The following PDE4D variants were observed in gnomAD, a reference collection of about 807,000 sequenced individuals.
The protein encoded by PDE4D is 3',5'-cyclic-AMP phosphodiesterase 4D.
In PDE4D, 24 loss-of-function variants were observed where a neutral mutation model predicts 87.4. That is an observed-to-expected ratio of 0.27 (90% confidence interval 0.20 to 0.39). PDE4D has a LOEUF of 0.39. PDE4D is among the 10% of genes least tolerant of loss of function. The pLI is 1.00. For missense variants in PDE4D, 714 were observed against 1,041.0 expected, an observed-to-expected ratio of 0.69 and a Z score of 4.32; for synonymous variants, 384 against 383.2, an observed-to-expected ratio of 1.00 and a Z score of -0.02.
chr5:59,490,238 T>A (rs994485989), intron 1 of PDE4D, among the ~76,000 whole-genome samples: 6 of 152,144 alleles, frequency 3.9e-5, no homozygotes, highest in African/African-American at 1.4e-4. Flanking sequence ...AAGTAGGTGG[T>A]TGAACTTAAA....
rs954438996 is a variant in PDE4D at position 58,970,935 on chromosome 5, A to T, written c.*3729T>A. On this transcript the variant is annotated 3_prime_UTR_variant, in exon 15 of 15. Transcript: ENST00000340635. ...AAAAAAAAAAAAAAGGAAATAATCA[A>T]ATGCAAGTAGCTGAAGTAGTTCCTG... 1 of 151,920 alleles carries T rather than the reference A, an allele frequency of 6.6e-6. No individual in the cohort carries two copies. The highest frequency in any genetic ancestry group is 2.4e-5 in the African/African-American group (1 of 41,376). The allele number at this position is 151,920 out of a possible 1,614,324, so 9.4% of individuals were successfully genotyped here.
intron 2 of PDE4D, among the ~76,000 whole-genome samples, chr5:60,128,494 T>C (rs1266638850): frequency 6.6e-6 from 1 of 152,174 alleles, no homozygotes; most frequent in Non-Finnish European, 1.5e-5. Flanking sequence ...GGGTTCCCTA[T>C]TCACATACTG....
chr5:60,051,424 C>T (rs911623990), intron 2 of PDE4D, among the ~76,000 whole-genome samples: 3 of 152,270 alleles, frequency 2.0e-5, no homozygotes, highest in African/African-American at 7.2e-5. Context: ...GAATAACCTG[C>T]TCCTGAATGA....
intron 1 of PDE4D, among the ~76,000 whole-genome samples, chr5:59,622,169 TTATA>T (rs143422555): frequency 6.6e-6 from 1 of 151,350 alleles, no homozygotes; most frequent in Non-Finnish European, 1.5e-5. Context: ...ACTATTTTCT[TTATA>T]TATATATATG....
At chr5:60,371,198 C>T (rs1269494937) in intron 1 of PDE4D, among the ~76,000 whole-genome samples, 3 of 152,224 alleles carry the variant, frequency 2.0e-5, no homozygotes, top group African/African-American at 7.2e-5. Flanking sequence ...TCCCAGGTTG[C>T]ACTACGCGAA....
rs114505973 is a variant in PDE4D, at chr5:60,406,853, T to C, written c.-90+81089A>G. Among the ~76,000 whole-genome samples, 136 of 152,246 alleles carry C rather than the reference T, an allele frequency of 8.9e-4. 1 individual carries two copies. Among genetic ancestry groups the C allele is most frequent in the African/African-American group, 3.3e-3 (135 of 41,536 alleles). On this transcript the variant is annotated intron_variant, in intron 1 of 16. Transcript: ENST00000502484. ...ACACATTCCTTCTATTTCTTGTAAA[T>C]TATGTTGAAAAAAAAATGGCAGTAA...
At chr5:59,298,733 T>C (rs887406350) in intron 1 of PDE4D, among the ~76,000 whole-genome samples, 8 of 152,190 alleles carry the variant, frequency 5.3e-5, no homozygotes, top group African/African-American at 1.7e-4. Context: ...AGGTTTATGA[T>C]ATGCTAAAGT....
At chr5:59,873,391 T>C (rs1748109645) in intron 1 of PDE4D, among the ~76,000 whole-genome samples, 1 of 152,168 alleles carries the variant, frequency 6.6e-6, no homozygotes, top group Non-Finnish European at 1.5e-5. Context: ...CGTAGAAAAG[T>C]GTCAGAGCTG....
chr5:59,618,107 C>G (rs934466307), intron 1 of PDE4D, among the ~76,000 whole-genome samples: 1 of 151,882 alleles, frequency 6.6e-6, no homozygotes, highest in Non-Finnish European at 1.5e-5. Context: ...TTCTTCGATG[C>G]CTAAAAGTTT....
intron 1 of PDE4D, among the ~76,000 whole-genome samples, chr5:59,656,051 T>C (rs1196047576): frequency 6.6e-6 from 1 of 152,186 alleles, no homozygotes; most frequent in Non-Finnish European, 1.5e-5. Context: ...AATTCATGCA[T>C]ATGCAGACAC....
intron 1 of PDE4D, among the ~76,000 whole-genome samples, chr5:59,358,649 G>T (rs1187353070): frequency 6.6e-6 from 1 of 152,058 alleles, no homozygotes. Context: ...TGAGACTAAA[G>T]CCAGACAGTG....
chr5:59,816,932 G>A (rs1769041040), intron 1 of PDE4D, among the ~76,000 whole-genome samples: 1 of 152,222 alleles, frequency 6.6e-6, no homozygotes, highest in African/African-American at 2.4e-5. Flanking sequence ...AGCATGGCAA[G>A]TGAGATGCAG....
intron 1 of PDE4D, among the ~76,000 whole-genome samples, chr5:59,237,477 G>A (rs1392034248): frequency 6.6e-6 from 1 of 152,114 alleles, no homozygotes; most frequent in African/African-American, 2.4e-5. Flanking sequence ...GAGGTTTACT[G>A]GTTTGCTGGT....
intron 1 of PDE4D, among the ~76,000 whole-genome samples, chr5:59,689,461 G>C (rs576863418): frequency 6.6e-6 from 1 of 152,122 alleles, no homozygotes; most frequent in Admixed American, 6.5e-5. Flanking sequence ...CAGAACCAAA[G>C]ACAAAAGCCA....
intron 5 of PDE4D, among the ~76,000 whole-genome samples, chr5:59,174,978 C>G (rs1281857351): frequency 6.6e-6 from 1 of 152,152 alleles, no homozygotes; most frequent in East Asian, 1.9e-4. Context: ...AATTCAGAAG[C>G]ATTGAAAATG....
Position 59,655,145 on chromosome 5 carries a change from TA to T in PDE4D, c.455+238022del, listed in dbSNP as rs71604795. On this transcript the variant is annotated intron_variant, in intron 1 of 14. Coordinates refer to ENST00000340635, the MANE Select transcript of PDE4D (RefSeq NM_001104631.2). ...TTTTTTTTCAACCATTGCCATATAT[TA>T]AAAAAAAAATTCTCTGAAAAAAAAA... Among the ~76,000 whole-genome samples the T allele has an allele frequency of 4.0e-3, 600 of 150,222 alleles. 6 individuals carry two copies. The highest frequency in any genetic ancestry group is 0.011 in the African/African-American group (449 of 41,024).
chr5:59,654,439 T>C (rs1214538354), intron 1 of PDE4D, among the ~76,000 whole-genome samples: 1 of 152,234 alleles, frequency 6.6e-6, no homozygotes, highest in Non-Finnish European at 1.5e-5. Flanking sequence ...TGAGGTACTT[T>C]GTTAGCACAA....
Position 60,111,650 on chromosome 5 carries a change from C to T in PDE4D, c.42+73907G>A, listed in dbSNP as rs548781292. ...AAATATAAATTTTATATATTTCACT[C>T]ATCTCTTATAGTAGCATGCATTTTT... On this transcript the variant is annotated intron_variant, in intron 2 of 16. Transcript: ENST00000502484. 3.3e-5 allele frequency among the ~76,000 whole-genome samples: 5 copies of T among 151,974 alleles called. No homozygotes were observed. In the East Asian group the frequency reaches 5.8e-4, roughly 18 times the overall value.
chr5:59,557,790 T>C (rs1222110321), intron 1 of PDE4D, among the ~76,000 whole-genome samples: 2 of 152,152 alleles, frequency 1.3e-5, no homozygotes, highest in Admixed American at 6.5e-5. Flanking sequence ...GAATCAGCAT[T>C]CCTATATTTG....
Sources: gnomAD v4.1 joint callset for allele counts (sites outside exome capture counted in the v4.1 genomes callset) on GRCh38, gnomAD v4.1.1 for gene constraint, MANE v1.5 for transcripts, NCBI Gene and HGNC (gene_info 2026-07-23, HGNC 2026-07-21) for gene names.